The following CCDC7 variants were observed in gnomAD, a reference collection of about 807,000 sequenced individuals.
CCDC7 encodes coiled-coil domain-containing protein 7.
A neutral mutation model predicts 196.9 loss-of-function variants in CCDC7; 183 were observed. That is an observed-to-expected ratio of 0.93 (90% CI 0.82 to 1.05). CCDC7 has a LOEUF of 1.05. Among genes scored for constraint, CCDC7 ranks in the 50% least tolerant of loss-of-function variants. The pLI, the probability that CCDC7 is intolerant of heterozygous loss-of-function variation, is 0.00. For missense variants in CCDC7, 1,540 were observed against 1,482.2 expected, an observed-to-expected ratio of 1.04 and a Z score of -0.64; for synonymous variants, 525 against 484.6, an observed-to-expected ratio of 1.08 and a Z score of -1.10.
At chr10:32,738,680 C>T (rs1054912371) in intron 28 of CCDC7, among the ~76,000 whole-genome samples, 1 of 151,658 alleles carries the variant, frequency 6.6e-6, no homozygotes, top group African/African-American at 2.4e-5. Context: ...TGCCATGTTG[C>T]CCAGGCTGAT....
At chr10:32,547,333 C>G (rs2052640626) in intron 13 of CCDC7, among the ~76,000 whole-genome samples, 1 of 152,144 alleles carries the variant, frequency 6.6e-6, no homozygotes, top group Non-Finnish European at 1.5e-5. Context: ...GGCTAGCTCA[C>G]AAGAGTCTCT....
chr10:32,780,282 T>G (rs933530311), intron 29 of CCDC7, among the ~76,000 whole-genome samples: 2 of 152,020 alleles, frequency 1.3e-5, no homozygotes, highest in Non-Finnish European at 2.9e-5. Flanking sequence ...GAAGGAATGC[T>G]AGACAGTAAC....
At chr10:32,453,822 A>G (rs2033703397) in intron 2 of CCDC7, among the ~76,000 whole-genome samples, 2 of 152,238 alleles carry the variant, frequency 1.3e-5, no homozygotes, top group African/African-American at 4.8e-5. Flanking sequence ...TACTTAAAAG[A>G]TAACCACCAA....
At chr10:32,882,477 A>C (rs543318084) in intron 22 of CCDC7, among the ~76,000 whole-genome samples, 107 of 152,226 alleles carry the variant, frequency 7.0e-4, no homozygotes, top group Non-Finnish European at 1.2e-3. Flanking sequence ...AGTCATTGTC[A>C]ATGTTCAGCT....
At chr10:32,864,322 G>A (rs935684730) in intron 41 of CCDC7, among the ~76,000 whole-genome samples, 13 of 151,646 alleles carry the variant, frequency 8.6e-5, no homozygotes, top group Admixed American at 1.3e-4. Context: ...TTTCAAAACC[G>A]TAAAAATTAT....
At chr10:32,779,138 A>G (rs2080613733) in intron 29 of CCDC7, 54 bp downstream of exon 30, 2 of 1,314,716 alleles carry the variant, frequency 1.5e-6, no homozygotes, top group Non-Finnish European at 2.1e-6. Context: ...GAATTAAAAT[A>G]TTTCAACTGT....
At chr10:32,673,914 T>C (rs2074491014) in intron 21 of CCDC7, among the ~76,000 whole-genome samples, 1 of 152,046 alleles carries the variant, frequency 6.6e-6, no homozygotes, top group Admixed American at 6.6e-5. Context: ...TTGTTCATAA[T>C]AGTCATTTGT....
At position 32,641,235 on chromosome 10, in the gene CCDC7, C is replaced by T. The variant is rs184725854; in HGVS notation, c.2014+6077C>T. On this transcript the variant is annotated intron_variant, in intron 20 of 41. Coordinates refer to ENST00000639629, the Ensembl canonical transcript of CCDC7. Reference sequence around the variant, plus strand: ...TTGGGGAAGTTCTCCTGGATAATATCCTGAAGAGTGTTTTCCAGCTTGGTT... The same window carrying T: ...TTGGGGAAGTTCTCCTGGATAATATTCTGAAGAGTGTTTTCCAGCTTGGTT... Among the ~76,000 whole-genome samples, 920 of 152,282 alleles carry T rather than the reference C, an allele frequency of 6.0e-3. 13 individuals carry two copies. The highest frequency in any genetic ancestry group is 0.021 in the African/African-American group (877 of 41,562).
chr10:32,738,237 A>C (rs1050566505), intron 28 of CCDC7, among the ~76,000 whole-genome samples: 1 of 152,094 alleles, frequency 6.6e-6, no homozygotes, highest in South Asian at 2.1e-4. Flanking sequence ...TACAATGTAC[A>C]TTTATAGAAT....
At chr10:32,756,601 A>C (rs560912860) in intron 28 of CCDC7, among the ~76,000 whole-genome samples, 2 of 152,384 alleles carry the variant, frequency 1.3e-5, no homozygotes, top group African/African-American at 4.8e-5. Context: ...TACTGAAGGA[A>C]GCACTAAACA....
chr10:32,492,643 C>T (rs563112760), intron 9 of CCDC7, among the ~76,000 whole-genome samples: 1 of 151,850 alleles, frequency 6.6e-6, no homozygotes, highest in South Asian at 2.1e-4. Context: ...GTGTCAACTT[C>T]ATAGACACAG....
At chr10:32,844,306 C>T (rs1440219552) in intron 33 of CCDC7, among the ~76,000 whole-genome samples, 34 of 152,046 alleles carry the variant, frequency 2.2e-4, no homozygotes, top group Admixed American at 2.2e-3. Flanking sequence ...TTACTTACTT[C>T]GTCCTCCCCA....
At chr10:32,577,322 A>C (rs960877442) in intron 16 of CCDC7, among the ~76,000 whole-genome samples, 2 of 152,130 alleles carry the variant, frequency 1.3e-5, no homozygotes, top group African/African-American at 4.8e-5. Flanking sequence ...AGATCGTGCC[A>C]CTGGGTGACA....
chr10:32,535,190 G>T (rs2050279722), intron 11 of CCDC7, among the ~76,000 whole-genome samples: 2 of 151,752 alleles, frequency 1.3e-5, no homozygotes, highest in African/African-American at 4.8e-5. Flanking sequence ...GTTGTTGCTG[G>T]TGAAAATCTC....
chr10:32,474,125 T>G, intron 8 of CCDC7, 102 bp downstream of exon 9: 1 of 1,157,992 alleles, frequency 8.6e-7, no homozygotes, highest in Non-Finnish European at 1.2e-6. Context: ...CTCCTTGCCT[T>G]GGAGTTTGGA....
chr10:32,841,315 C>T (rs1053932642), intron 33 of CCDC7, among the ~76,000 whole-genome samples: 3 of 151,912 alleles, frequency 2.0e-5, no homozygotes, highest in Non-Finnish European at 4.4e-5. Context: ...AGGATACAAA[C>T]TTAATATACA....
At chr10:32,742,861 T>C (rs1366765579) in intron 28 of CCDC7, among the ~76,000 whole-genome samples, 1 of 152,206 alleles carries the variant, frequency 6.6e-6, no homozygotes. Flanking sequence ...TGAGGGCATA[T>C]GTCCAAATAC....
chr10:32,838,424 A>G (rs2092767443), intron 33 of CCDC7, among the ~76,000 whole-genome samples: 1 of 152,084 alleles, frequency 6.6e-6, no homozygotes, highest in Admixed American at 6.6e-5. Flanking sequence ...GAATTAATCC[A>G]TCAAACACAA....
intron 3 of CCDC7, among the ~76,000 whole-genome samples, chr10:32,459,925 ACC>A (rs1320878623): frequency 1.5e-4 from 23 of 151,964 alleles, no homozygotes; most frequent in Non-Finnish European, 3.4e-4. Context: ...TCAGATATTG[ACC>A]CTTTTATATA....
Sources: gnomAD v4.1 joint callset for allele counts (sites outside exome capture counted in the v4.1 genomes callset) on GRCh38, gnomAD v4.1.1 for gene constraint, MANE v1.5 for transcripts, NCBI Gene and HGNC (gene_info 2026-07-23, HGNC 2026-07-21) for gene names.